Variants in MYO1E observed in about 807,000 individuals in gnomAD.
The protein encoded by MYO1E is unconventional myosin-Ie.
Under a neutral mutation model 151.1 loss-of-function variants are expected in MYO1E, and 68 were observed. The observed-to-expected ratio is 0.45, with a 90% CI of 0.37 to 0.55. The LOEUF (loss-of-function observed/expected upper bound fraction) is 0.55. Ranked by LOEUF, MYO1E falls within the 20% of genes least tolerant of loss-of-function variation. The pLI, the probability that MYO1E is intolerant of heterozygous loss-of-function variation, is 0.00. For synonymous variants in MYO1E, 601 were observed against 501.7 expected (o/e 1.20, Z -2.64); for missense variants, 1,363 against 1,389.3 (o/e 0.98, Z 0.30).
At chr15:59,343,306 T>C (rs2140430391) in intron 1 of MYO1E, among the ~76,000 whole-genome samples, 1 of 152,232 alleles carries the variant, frequency 6.6e-6, no homozygotes, top group Admixed American at 6.5e-5. Context: ...TCTTTTTTTT[T>C]TTTTAATGCT....
At chr15:59,285,901 A>T (rs1216598184) in intron 1 of MYO1E, among the ~76,000 whole-genome samples, 1 of 152,150 alleles carries the variant, frequency 6.6e-6, no homozygotes, top group African/African-American at 2.4e-5. Context: ...ATCCTACCAG[A>T]CTCTGTGTCC....
chr15:59,277,430 G>C (rs897981627), intron 1 of MYO1E, among the ~76,000 whole-genome samples: 1 of 151,568 alleles, frequency 6.6e-6, no homozygotes, highest in Non-Finnish European at 1.5e-5. Flanking sequence ...TTGTAGTCCC[G>C]GCTACTCGGG....
intron 1 of MYO1E, among the ~76,000 whole-genome samples, chr15:59,330,749 G>T (rs2080693250): frequency 6.6e-6 from 1 of 152,100 alleles, no homozygotes; most frequent in African/African-American, 2.4e-5. Context: ...CTGGCTCAAT[G>T]ATTATTTTTA....
intron 1 of MYO1E, among the ~76,000 whole-genome samples, chr15:59,332,136 ACT>A (rs1478572046): frequency 6.6e-6 from 1 of 152,114 alleles, no homozygotes; most frequent in East Asian, 1.9e-4. Context: ...TCCTAAAACA[ACT>A]CTGTGAGTAG....
intron 18 of MYO1E, among the ~76,000 whole-genome samples, chr15:59,182,105 G>A (rs1394383807): frequency 1.1e-4 from 17 of 152,172 alleles, no homozygotes; most frequent in African/African-American, 4.1e-4. Flanking sequence ...ACTTTTGAGT[G>A]GACTGCTTCA....
chr15:59,299,434 A>G (rs1487492374), intron 1 of MYO1E, among the ~76,000 whole-genome samples: 1 of 152,208 alleles, frequency 6.6e-6, no homozygotes, highest in Non-Finnish European at 1.5e-5. Context: ...CATTTATTCA[A>G]TCATTCACTG....
chr15:59,363,311 A>C (rs1215750595), intron 1 of MYO1E, among the ~76,000 whole-genome samples: 1 of 152,080 alleles, frequency 6.6e-6, no homozygotes, highest in Non-Finnish European at 1.5e-5. Flanking sequence ...GCTTGCTCTC[A>C]CTATGACATC....
In MYO1E at chr15:59,161,290, A is replaced by G; in HGVS notation, c.2628-60T>C. The G allele has an allele frequency of 1.9e-6, 3 of 1,564,496 alleles. No individual in the cohort carries two copies. In the South Asian group the frequency reaches 3.4e-5, roughly 18 times the overall value. On this transcript the variant is annotated intron_variant, in intron 23 of 27. Transcript: ENST00000288235. ...GACGCAGTGAGAAAACGGTGCTCAG[A>G]GATCCCGCCACGGAGTTCTGCTGCT...
At chr15:59,336,142 G>A (rs553012959) in intron 1 of MYO1E, among the ~76,000 whole-genome samples, 38 of 152,188 alleles carry the variant, frequency 2.5e-4, no homozygotes, top group Non-Finnish European at 4.3e-4. Context: ...AGGCTGAAGC[G>A]GGCAGATCAC....
chr15:59,151,039 ACACACACACACGCG>A (rs1295514992), intron 26 of MYO1E, among the ~76,000 whole-genome samples: 1 of 118,898 alleles, frequency 8.4e-6, no homozygotes, highest in Non-Finnish European at 1.7e-5. Flanking sequence ...ACACACACAC[ACACACACACACGCG>A]CGCGCGCGCA....
chr15:59,184,166 C>G (rs1442484067), intron 18 of MYO1E, among the ~76,000 whole-genome samples: 1 of 151,968 alleles, frequency 6.6e-6, no homozygotes, highest in African/African-American at 2.4e-5. Context: ...GCCACCACAC[C>G]TGGCTAATTT....
At chr15:59,282,480 G>A (rs532235363) in intron 1 of MYO1E, among the ~76,000 whole-genome samples, 1 of 151,856 alleles carries the variant, frequency 6.6e-6, no homozygotes, top group African/African-American at 2.4e-5. Flanking sequence ...TTACCAAAAC[G>A]GTTCTGTCCT....
rs1463489871 is a variant in MYO1E at position 59,174,196 on chromosome 15, A to G, written c.2094T>C (p.Tyr698=). The change falls in exon 20 of 28, where the codon TAT becomes TAC. Residue 698 remains tyrosine (Y), a synonymous_variant. Coordinates refer to ENST00000288235, the MANE Select transcript of MYO1E (RefSeq NM_004998.4). ...TCCATGATTTCTGTATCACTCGAGCATACCCATCATACTTTCTCTCTCTCA... is the reference window on the plus strand; with the variant it reads ...TCCATGATTTCTGTATCACTCGAGCGTACCCATCATACTTTCTCTCTCTCA... ...EEMRERKYDG[Y]ARVIQKSWRK... The G allele has an allele frequency of 1.9e-6, 3 of 1,613,988 alleles. No homozygotes were observed. Among genetic ancestry groups the G allele is most frequent in the African/African-American group, 1.3e-5 (1 of 74,938 alleles).
rs1371600246 is a variant in MYO1E at position 59,371,750 on chromosome 15, G to A, written c.3+748C>T. On this transcript the variant is annotated intron_variant, in intron 1 of 27. Transcript: ENST00000288235. Reference sequence around the variant, plus strand: ...TCCCCTCGCGCTTGGGAAGGGGTGGGGTCCTCTTCAGGAGGTGTTTACTTG... The same window carrying A: ...TCCCCTCGCGCTTGGGAAGGGGTGGAGTCCTCTTCAGGAGGTGTTTACTTG... 2.0e-5 allele frequency among the ~76,000 whole-genome samples: 3 copies of A among 152,154 alleles called. No individual in the cohort carries two copies. The East Asian group carries it at 5.8e-4, about 30-fold the overall frequency.
Position 59,236,602 on chromosome 15 carries a change from C to T in MYO1E, c.403G>A (p.Gly135Arg). The change falls in exon 5 of 28, where the codon GGA (glycine) becomes AGA (arginine). Residue 135 changes from glycine to arginine, a missense_variant. Gly to Arg is a moderately radical substitution (Grantham distance 125). Transcript: ENST00000288235. ...IMSYISRVSGGGTKVQHVKDI... is the reference protein window; with the variant it reads ...IMSYISRVSGRGTKVQHVKDI... ...CCACTCACCTGGACTTTGGTCCCTC[C>T]TCCAGACACTCTGGAGATGTAGCTC... 6.2e-7 allele frequency: 1 copy of T among 1,613,748 alleles called. No individual in the cohort carries two copies. The highest frequency in any genetic ancestry group is 8.5e-7 in the Non-Finnish European group (1 of 1,179,752).
At chr15:59,304,154 T>C (rs1235162288) in intron 1 of MYO1E, among the ~76,000 whole-genome samples, 1 of 152,072 alleles carries the variant, frequency 6.6e-6, no homozygotes, top group African/African-American at 2.4e-5. Flanking sequence ...AGCTAATTTT[T>C]GTATTTTTAG....
At chr15:59,204,464 C>T (rs562489600) in intron 15 of MYO1E, among the ~76,000 whole-genome samples, 14 of 152,334 alleles carry the variant, frequency 9.2e-5, no homozygotes, top group African/African-American at 3.4e-4. Context: ...AAGGGCAGCT[C>T]TTACTTGAAA....
intron 1 of MYO1E, among the ~76,000 whole-genome samples, chr15:59,326,842 C>T (rs1245086391): frequency 2.0e-5 from 3 of 152,182 alleles, no homozygotes; most frequent in Admixed American, 6.5e-5. Context: ...AACTCGAAAG[C>T]GACCTGTTCA....
rs1255324845 is a variant in MYO1E, at chr15:59,271,467, T to C, written c.147+839A>G. The stretch of plus-strand genomic sequence containing the variant: ...ACACAGAGTTTTGCATGTCCATGAC[T>C]AACTCTCACAATAGTTCCACCAGGA... On this transcript the variant is annotated intron_variant, in intron 2 of 27. Coordinates refer to ENST00000288235, the MANE Select transcript of MYO1E (RefSeq NM_004998.4). Among the ~76,000 whole-genome samples, 3 of 152,234 alleles carry C rather than the reference T, an allele frequency of 2.0e-5. No homozygotes were observed. In the East Asian group the frequency reaches 5.8e-4, roughly 29 times the overall value.
Sources: allele counts gnomAD v4.1 joint callset (sites outside exome capture counted in the v4.1 genomes callset), GRCh38; gene constraint gnomAD v4.1.1; transcripts MANE v1.5; gene names NCBI Gene and HGNC (gene_info 2026-07-23, HGNC 2026-07-21).